The following TMEM245 variants were observed in gnomAD, a reference collection of about 807,000 sequenced individuals.
TMEM245 encodes transmembrane protein 245.
Under a neutral mutation model 101.2 loss-of-function variants are expected in TMEM245, and 69 were observed. The ratio of observed to expected loss-of-function variants is 0.68; its 90% CI spans 0.56 to 0.83. The LOEUF (loss-of-function observed/expected upper bound fraction) is 0.83, where lower values mean the gene tolerates loss of function less well. Among genes scored for constraint, TMEM245 ranks in the 40% least tolerant of loss-of-function variants. The pLI is 0.00. For missense variants in TMEM245, 1,075 were observed against 1,092.8 expected (o/e 0.98, Z 0.23); for synonymous variants, 537 against 449.8 (o/e 1.19, Z -2.45).
rs1476183061 is a variant in TMEM245 at position 109,119,320 on chromosome 9, C to A, written c.579+15G>T. 6.6e-7 allele frequency: 1 copy of A among 1,521,190 alleles called. No homozygotes were observed. The highest frequency in any genetic ancestry group is 1.2e-5 in the South Asian group (1 of 82,776). 94.2% of individuals were successfully genotyped at this position (1,521,190 alleles called of 1,614,324 possible). A position where few individuals can be genotyped will look rare whatever the true frequency, so the allele number is the denominator to read the frequency against. ...ACCACGGGCGGGGGACGGGGGCGGA[C>A]TGCCGCTCACTCACCCACAGGCTGC... is the stretch of plus-strand genomic sequence containing the variant. On this transcript the variant is annotated intron_variant, in intron 1 of 17. Coordinates refer to ENST00000374586, the MANE Select transcript of TMEM245 (RefSeq NM_032012.4).
At chr9:109,030,785 A>G (rs1196582411) in intron 17 of TMEM245, among the ~76,000 whole-genome samples, 2 of 152,236 alleles carry the variant, frequency 1.3e-5, no homozygotes, top group Non-Finnish European at 2.9e-5. Context: ...AGGATCACGC[A>G]TTGGCTAAAA....
intron 3 of TMEM245, among the ~76,000 whole-genome samples, chr9:109,100,034 G>T (rs1214603410): frequency 1.3e-5 from 2 of 152,198 alleles, no homozygotes; most frequent in African/African-American, 4.8e-5. Flanking sequence ...TCTGTTCATT[G>T]TAAGTTTCCA....
intron 17 of TMEM245, among the ~76,000 whole-genome samples, chr9:109,021,187 T>C (rs1482074308): frequency 2.0e-5 from 3 of 152,240 alleles, no homozygotes; most frequent in Non-Finnish European, 2.9e-5. Context: ...TTGCTTTTGC[T>C]ACATAATTTA....
intron 14 of TMEM245, among the ~76,000 whole-genome samples, chr9:109,047,173 GGTT>G (rs1828523912): frequency 6.6e-6 from 1 of 151,994 alleles, no homozygotes; most frequent in African/African-American, 2.4e-5. Context: ...TGGTACCAAA[GGTT>G]GTTAAAATTT....
At chr9:109,057,084 G>A in intron 12 of TMEM245, 107 bp downstream of exon 12, 2 of 1,212,380 alleles carry the variant, frequency 1.6e-6, no homozygotes, top group Non-Finnish European at 2.3e-6. Flanking sequence ...TAAATGTCAT[G>A]ATGTTAAAAA....
chr9:109,071,274 TACC>T (rs1360652750), intron 9 of TMEM245, among the ~76,000 whole-genome samples: 1 of 152,106 alleles, frequency 6.6e-6, no homozygotes, highest in Admixed American at 6.5e-5. Flanking sequence ...TGCATAAATA[TACC>T]ACAATTTATA....
chr9:109,083,915 A>AAAAAAAAAAAAAAAC, intron 7 of TMEM245, among the ~76,000 whole-genome samples: 1 of 141,728 alleles, frequency 7.1e-6, no homozygotes, highest in Non-Finnish European at 1.5e-5. Flanking sequence ...AAAAAAAAAA[A>AAAAAAAAAAAAAAAC]AAAAAAAAAA....
At chr9:109,070,426 T>C (rs868709652) in intron 9 of TMEM245, among the ~76,000 whole-genome samples, 3 of 152,232 alleles carry the variant, frequency 2.0e-5, no homozygotes, top group Non-Finnish European at 2.9e-5. Flanking sequence ...TAAGTCATGC[T>C]AGATTTCTTC....
intron 12 of TMEM245, among the ~76,000 whole-genome samples, chr9:109,055,971 C>T (rs1031573517): frequency 1.3e-5 from 2 of 152,058 alleles, no homozygotes; most frequent in Non-Finnish European, 2.9e-5. Flanking sequence ...AGCTATTTCT[C>T]AGGAGAAAAA....
chr9:109,084,536 C>G (rs978842392), intron 7 of TMEM245, among the ~76,000 whole-genome samples: 2 of 152,144 alleles, frequency 1.3e-5, no homozygotes, highest in Non-Finnish European at 2.9e-5. Flanking sequence ...TCCTTTCCCC[C>G]ATCTCTTGAG....
intron 5 of TMEM245, among the ~76,000 whole-genome samples, chr9:109,090,507 G>A (rs1236242832): frequency 3.3e-5 from 5 of 152,002 alleles, no homozygotes; most frequent in Admixed American, 2.0e-4. Flanking sequence ...CAGATCACGA[G>A]GTCAGGAGAT....
At position 109,119,773 on chromosome 9, in the gene TMEM245, G is replaced by A; in HGVS notation, c.141C>T (p.Asp47=). 1 of 1,490,912 alleles carries A rather than the reference G, an allele frequency of 6.7e-7. No homozygotes were observed. The highest frequency in any genetic ancestry group is 8.9e-7 in the Non-Finnish European group (1 of 1,124,522). The allele number at this position is 1,490,912 out of a possible 1,614,324, so 92.4% of individuals were successfully genotyped here. A position where few individuals can be genotyped will look rare whatever the true frequency, so the allele number is the denominator to read the frequency against. The change falls in exon 1 of 18, where the codon GAC becomes GAT. Residue 47 remains aspartate, a synonymous_variant. Coordinates refer to ENST00000374586, the MANE Select transcript of TMEM245 (RefSeq NM_032012.4). ...PRTAALALRF[D]KPIKQAFYNT... ...TGTAGAAGGCCTGCTTAATGGGCTT[G>A]TCGAAGCGCAGCGCCAGCGCCGCGG...
intron 2 of TMEM245, 37 bp from the exon 3 acceptor site, chr9:109,106,646 A>G: frequency 6.8e-7 from 1 of 1,478,060 alleles, no homozygotes; most frequent in Non-Finnish European, 9.3e-7. Flanking sequence ...TTAGTGAAAT[A>G]AAAACCTAGT....
intron 12 of TMEM245, among the ~76,000 whole-genome samples, chr9:109,051,457 T>C (rs911214310): frequency 2.6e-5 from 4 of 152,152 alleles, no homozygotes; most frequent in African/African-American, 9.7e-5. Context: ...GCAAATGTCA[T>C]AGAGTGTACT....
At chr9:109,032,401 T>C (rs1375243369) in intron 17 of TMEM245, among the ~76,000 whole-genome samples, 1 of 105,120 alleles carries the variant, frequency 9.5e-6, no homozygotes, top group African/African-American at 4.2e-5. Flanking sequence ...TTTTTTTTTT[T>C]GAGACAAGAG....
chr9:109,020,224 C>T lies in TMEM245; in HGVS notation c.*236G>A, dbSNP rs1253547715. On this transcript the variant is annotated 3_prime_UTR_variant, in exon 18 of 18. Coordinates refer to ENST00000374586, the MANE Select transcript of TMEM245 (RefSeq NM_032012.4). The stretch of plus-strand genomic sequence containing the variant: ...AATGAAACTTTTCAAGCCATCTTAA[C>T]AACAGTTAAGTGAGCAAACCACCAA... 7 of 555,508 alleles carry T rather than the reference C, an allele frequency of 1.3e-5. No individual in the cohort carries two copies. Among genetic ancestry groups the T allele is most frequent in the Admixed American group, 3.3e-5 (1 of 30,722 alleles). 34.4% of individuals were successfully genotyped at this position (555,508 alleles called of 1,614,324 possible). A position where few individuals can be genotyped will look rare whatever the true frequency, so the allele number is the denominator to read the frequency against.
chr9:109,091,541 TTTAGA>T (rs1260910669), intron 4 of TMEM245, among the ~76,000 whole-genome samples: 5 of 152,340 alleles, frequency 3.3e-5, no homozygotes, highest in East Asian at 1.9e-4. Context: ...TCAATAGAAC[TTTAGA>T]TTAGGTGTAT....
At chr9:109,058,299 C>T (rs942959206) in intron 11 of TMEM245, among the ~76,000 whole-genome samples, 2 of 152,002 alleles carry the variant, frequency 1.3e-5, no homozygotes, top group African/African-American at 4.8e-5. Context: ...CCACCACGCC[C>T]AGCCCTCATT....
rs1828191949 is a variant in TMEM245 at position 109,038,075 on chromosome 9, T to A, written c.2166A>T (p.Gly722=). The A allele has an allele frequency of 6.2e-7, 1 of 1,613,208 alleles. No individual in the cohort carries two copies. Among genetic ancestry groups the A allele is most frequent in the Non-Finnish European group, 8.5e-7 (1 of 1,179,690 alleles). Residue 722 remains glycine, a synonymous_variant, in exon 15 of 18, where the codon GGA becomes GGT. Coordinates refer to ENST00000374586, the MANE Select transcript of TMEM245 (RefSeq NM_032012.4). ...DASLKMAGFY[G]LYTWLTHTMF... ...TAGTATGAGTCAGCCAGGTATACAA[T>A]CCATAGAAGCCAGCCATTTTGAGGG... is the stretch of plus-strand genomic sequence containing the variant.
Sources: allele counts gnomAD v4.1 joint callset (sites outside exome capture counted in the v4.1 genomes callset), GRCh38; gene constraint gnomAD v4.1.1; transcripts MANE v1.5; gene names NCBI Gene and HGNC (gene_info 2026-07-23, HGNC 2026-07-21).